The following CEP85L variants were observed in gnomAD, a reference collection of about 807,000 sequenced individuals.
CEP85L encodes the protein centrosomal protein 85L.
A neutral mutation model predicts 100.3 loss-of-function variants in CEP85L; 60 were observed. That is an observed-to-expected ratio of 0.60 (90% confidence interval 0.49 to 0.74). The LOEUF (loss-of-function observed/expected upper bound fraction) is 0.74. Ranked by LOEUF, CEP85L falls within the 30% of genes least tolerant of loss-of-function variation. The pLI is 0.00. For synonymous variants in CEP85L, 319 were observed against 322.7 expected (o/e 0.99, Z 0.12); for missense variants, 973 against 936.2 (o/e 1.04, Z -0.51).
chr6:118,669,392 T>C (rs1028673109), intron 1 of CEP85L, among the ~76,000 whole-genome samples: 16 of 152,252 alleles, frequency 1.1e-4, no homozygotes, highest in African/African-American at 3.6e-4. Flanking sequence ...CCACATTTTA[T>C]ATCTTTCCTT....
chr6:118,639,041 T>C (rs567391343), intron 1 of CEP85L, among the ~76,000 whole-genome samples: 1 of 152,284 alleles, frequency 6.6e-6, no homozygotes, highest in South Asian at 2.1e-4. Context: ...GCTGAATACA[T>C]AATACAAATC....
At chr6:118,598,070 G>A (rs142725552) in intron 2 of CEP85L, among the ~76,000 whole-genome samples, 11 of 152,316 alleles carry the variant, frequency 7.2e-5, no homozygotes, top group African/African-American at 2.6e-4. Context: ...GTTTTAAAAA[G>A]AGTATGATTT....
chr6:118,559,206 G>T, intron 3 of CEP85L: 1 of 806,112 alleles, frequency 1.2e-6, no homozygotes, highest in South Asian at 1.4e-5. Context: ...TTTGTGAAAA[G>T]GTCAAGATTA....
chr6:118,478,366 T>C (rs962527531), intron 10 of CEP85L, among the ~76,000 whole-genome samples: 2 of 152,060 alleles, frequency 1.3e-5, no homozygotes, highest in Non-Finnish European at 2.9e-5. Context: ...ATTATGTGAG[T>C]CATATTCATC....
chr6:118,584,553 T>C (rs1256309584), intron 2 of CEP85L, among the ~76,000 whole-genome samples: 1 of 152,164 alleles, frequency 6.6e-6, no homozygotes, highest in Admixed American at 6.5e-5. Flanking sequence ...AGGCACCAAC[T>C]TTCACCCTTC....
chr6:118,635,911 T>C (rs1774463347), intron 1 of CEP85L, among the ~76,000 whole-genome samples: 1 of 152,232 alleles, frequency 6.6e-6, no homozygotes, highest in Admixed American at 6.5e-5. Flanking sequence ...ATGGTGTTAT[T>C]ATCACAAGCT....
intron 3 of CEP85L, among the ~76,000 whole-genome samples, chr6:118,557,745 T>G (rs1424460939): frequency 6.6e-6 from 1 of 152,124 alleles, no homozygotes. Flanking sequence ...CGAATAAAAA[T>G]TGGTAAAGTC....
chr6:118,693,417 C>T (rs1416103659), intron 1 of CEP85L, among the ~76,000 whole-genome samples: 1 of 152,168 alleles, frequency 6.6e-6, no homozygotes, highest in Non-Finnish European at 1.5e-5. Flanking sequence ...TCTTTCTTAA[C>T]TTTTAATATT....
At chr6:118,706,765 A>G (rs1040612641) in intron 1 of CEP85L, among the ~76,000 whole-genome samples, 6 of 151,910 alleles carry the variant, frequency 3.9e-5, no homozygotes, top group Admixed American at 1.3e-4. Context: ...CTCCTCATCA[A>G]TGTGGTCTAG....
chr6:118,560,452 C>T (rs1779159010), intron 3 of CEP85L: 1 of 166,824 alleles, frequency 6.0e-6, no homozygotes, highest in African/African-American at 2.4e-5. Context: ...ATTGTCTTCA[C>T]ATTGAGTAGG....
At chr6:118,485,136 T>C (rs1163210943) in intron 6 of CEP85L, among the ~76,000 whole-genome samples, 1 of 152,228 alleles carries the variant, frequency 6.6e-6, no homozygotes, top group Non-Finnish European at 1.5e-5. Context: ...ATATCATCTA[T>C]AAATTTCATA....
At chr6:118,693,864 G>T (rs892239348) in intron 1 of CEP85L, among the ~76,000 whole-genome samples, 4 of 152,174 alleles carry the variant, frequency 2.6e-5, no homozygotes, top group Non-Finnish European at 5.9e-5. Flanking sequence ...CTTCATGTTT[G>T]CAAAATTAGC....
intron 2 of CEP85L, among the ~76,000 whole-genome samples, chr6:118,572,230 T>C (rs377751883): frequency 1.4e-4 from 14 of 100,118 alleles, no homozygotes; most frequent in Non-Finnish European, 1.9e-4. Context: ...TCATGTTACA[T>C]AGGAAAAAAA....
At chr6:118,495,574 G>A (rs867979810) in intron 5 of CEP85L, among the ~76,000 whole-genome samples, 2 of 152,086 alleles carry the variant, frequency 1.3e-5, no homozygotes, top group South Asian at 2.1e-4. Flanking sequence ...CCAGTCACGC[G>A]GAACTGTAAG....
intron 3 of CEP85L, among the ~76,000 whole-genome samples, chr6:118,549,087 A>G (rs3798600): frequency 6.6e-6 from 1 of 152,032 alleles, no homozygotes; most frequent in African/African-American, 2.4e-5. Context: ...GAAATTTTAA[A>G]ACAATGTTCA....
intron 5 of CEP85L, among the ~76,000 whole-genome samples, chr6:118,495,685 G>A (rs1203086025): frequency 6.6e-6 from 1 of 152,184 alleles, no homozygotes. Flanking sequence ...TTGGTGAAGA[G>A]GTGATCCTGC....
intron 2 of CEP85L, among the ~76,000 whole-genome samples, chr6:118,580,653 C>T (rs1363323281): frequency 1.3e-5 from 2 of 152,198 alleles, no homozygotes; most frequent in African/African-American, 4.8e-5. Context: ...GGGAAAAGTT[C>T]TGAGGCAACT....
intron 2 of CEP85L, among the ~76,000 whole-genome samples, chr6:118,570,019 G>A (rs1779791501): frequency 1.3e-5 from 2 of 152,080 alleles, no homozygotes; most frequent in African/African-American, 2.4e-5. Flanking sequence ...ACATATCACT[G>A]TTTAAAATAT....
At chr6:118,537,415 T>C in intron 3 of CEP85L, 1 of 652,464 alleles carries the variant, frequency 1.5e-6, no homozygotes, top group Non-Finnish European at 1.9e-6. Context: ...GAAGGCCTCA[T>C]TTAGATGTTT....
Sources: gnomAD v4.1 joint callset for allele counts (sites outside exome capture counted in the v4.1 genomes callset) on GRCh38, gnomAD v4.1.1 for gene constraint, MANE v1.5 for transcripts, NCBI Gene and HGNC (gene_info 2026-07-23, HGNC 2026-07-21) for gene names.